CHSY3: variants seen among roughly 807,000 people sequenced by gnomAD.
The protein encoded by CHSY3 is chondroitin sulfate synthase 3.
CHSY3 carries 35 observed loss-of-function variants against 67.2 expected under a neutral mutation model. That is an observed-to-expected ratio of 0.52 (90% CI 0.40 to 0.69). CHSY3 has a LOEUF of 0.69. Ranked by LOEUF, CHSY3 falls within the 30% of genes least tolerant of loss-of-function variation. The pLI is 0.00. For synonymous variants in CHSY3, 474 were observed against 434.7 expected (o/e 1.09, Z -1.12); for missense variants, 1,069 against 1,138.5 (o/e 0.94, Z 0.88).
chr5:130,127,853 A>C (rs931897134), intron 2 of CHSY3, among the ~76,000 whole-genome samples: 9 of 152,172 alleles, frequency 5.9e-5, no homozygotes, highest in Non-Finnish European at 8.8e-5. Flanking sequence ...ATTATGCACT[A>C]TTAGAGTTCT....
intron 2 of CHSY3, among the ~76,000 whole-genome samples, chr5:130,132,450 A>G (rs1768512533): frequency 6.6e-6 from 1 of 152,232 alleles, no homozygotes; most frequent in Non-Finnish European, 1.5e-5. Context: ...AAGTATAACA[A>G]AAACCACAAT....
chr5:129,912,558 A>G (rs1241619629), intron 2 of CHSY3, among the ~76,000 whole-genome samples: 2 of 152,144 alleles, frequency 1.3e-5, no homozygotes, highest in Admixed American at 1.3e-4. Context: ...TTCTCTGCTC[A>G]CTTTTTCTAT....
intron 2 of CHSY3, among the ~76,000 whole-genome samples, chr5:130,167,043 C>G: frequency 6.6e-6 from 1 of 152,046 alleles, no homozygotes; most frequent in East Asian, 1.9e-4. Context: ...AGAGATTGAA[C>G]TCAATTCCCA....
chr5:130,131,758 C>A (rs991336423), intron 2 of CHSY3, among the ~76,000 whole-genome samples: 9 of 152,066 alleles, frequency 5.9e-5, no homozygotes, highest in African/African-American at 2.2e-4. Flanking sequence ...CTCATGATAT[C>A]CACTAGAATG....
chr5:129,989,958 G>C (rs1174307677), intron 2 of CHSY3, among the ~76,000 whole-genome samples: 1 of 152,096 alleles, frequency 6.6e-6, no homozygotes, highest in Non-Finnish European at 1.5e-5. Context: ...ATATGGCTCT[G>C]TTCCAGTAAA....
intron 2 of CHSY3, among the ~76,000 whole-genome samples, chr5:130,126,816 G>T (rs1190592023): frequency 6.6e-6 from 1 of 152,144 alleles, no homozygotes; most frequent in Non-Finnish European, 1.5e-5. Flanking sequence ...ATCCAAGAAT[G>T]AAAAGCATAA....
chr5:130,148,906 C>T (rs1293950849), intron 2 of CHSY3, among the ~76,000 whole-genome samples: 1 of 152,056 alleles, frequency 6.6e-6, no homozygotes. Context: ...TAATTGTATC[C>T]CATTTATCAG....
In CHSY3 at chr5:129,904,505, G is replaced by T; in HGVS notation, c.-325G>T. ...GCCTAGGAGCGGACGCGTTGCCGCC[G>T]CCGCTGCTCCTCCTCCTCCTCCTGC... is the stretch of plus-strand genomic sequence containing the variant. On this transcript the variant is annotated 5_prime_UTR_variant, in exon 1 of 3. Coordinates refer to ENST00000305031, the MANE Select transcript of CHSY3 (RefSeq NM_175856.5). 4.0e-6 allele frequency: 1 copy of T among 248,728 alleles called. No homozygotes were observed. Among genetic ancestry groups the T allele is most frequent in the Non-Finnish European group, 7.5e-6 (1 of 132,740 alleles). 15.4% of individuals were successfully genotyped at this position (248,728 alleles called of 1,614,324 possible). A position where few individuals can be genotyped will look rare whatever the true frequency, so the allele number is the denominator to read the frequency against.
intron 2 of CHSY3, among the ~76,000 whole-genome samples, chr5:129,959,822 T>C (rs1172394508): frequency 6.6e-6 from 1 of 152,148 alleles, no homozygotes; most frequent in Non-Finnish European, 1.5e-5. Context: ...CTGTTTTCTT[T>C]TTCCTTTTAT....
At chr5:130,128,274 G>A (rs936299360) in intron 2 of CHSY3, among the ~76,000 whole-genome samples, 1 of 148,172 alleles carries the variant, frequency 6.7e-6, no homozygotes, top group Admixed American at 6.8e-5. Flanking sequence ...GCTCAGGCAT[G>A]CACATCTACG....
intron 2 of CHSY3, among the ~76,000 whole-genome samples, chr5:129,986,220 G>A (rs1326162582): frequency 6.6e-6 from 1 of 152,038 alleles, no homozygotes; most frequent in Admixed American, 6.6e-5. Context: ...AGTTTATTGA[G>A]GGTTTTTTAA....
At chr5:130,017,627 T>C (rs1764252744) in intron 2 of CHSY3, among the ~76,000 whole-genome samples, 1 of 152,182 alleles carries the variant, frequency 6.6e-6, no homozygotes, top group East Asian at 1.9e-4. Flanking sequence ...GAAATCTCAC[T>C]CCATATTCCC....
intron 2 of CHSY3, among the ~76,000 whole-genome samples, chr5:129,927,730 AT>A (rs1056387441): frequency 1.3e-5 from 2 of 151,834 alleles, no homozygotes; most frequent in African/African-American, 2.4e-5. Flanking sequence ...TTACACTTGT[AT>A]TTTTTTTAAA....
At chr5:130,024,739 G>A (rs11960528) in intron 2 of CHSY3, among the ~76,000 whole-genome samples, 24,266 of 152,030 alleles carry the variant, frequency 0.16, 2,539 homozygotes, top group Non-Finnish European at 0.24. Flanking sequence ...TTGAAGCAGC[G>A]TTCATAAATG....
At chr5:130,077,799 G>GTGTA (rs552303360) in intron 2 of CHSY3, among the ~76,000 whole-genome samples, 1 of 150,332 alleles carries the variant, frequency 6.7e-6, no homozygotes, top group Non-Finnish European at 1.5e-5. Flanking sequence ...ATATATGTGT[G>GTGTA]TATATATATA....
chr5:129,939,290 G>A (rs1761621145), intron 2 of CHSY3, among the ~76,000 whole-genome samples: 1 of 152,084 alleles, frequency 6.6e-6, no homozygotes, highest in African/African-American at 2.4e-5. Flanking sequence ...CCAACACTGG[G>A]GATTGCAGTT....
rs146695402 is a variant in CHSY3, at chr5:129,958,366, G to A, written c.1086+50006G>A. Among the ~76,000 whole-genome samples, 580 of 152,182 alleles carry A rather than the reference G, an allele frequency of 3.8e-3. 8 individuals carry two copies. The highest frequency in any genetic ancestry group is 0.013 in the African/African-American group (545 of 41,526). The stretch of plus-strand genomic sequence containing the variant: ...CAGCTGGGCCTTTCTTGGGAGTAGG[G>A]CATCTGACAGGGAACTATGTGTAGG... On this transcript the variant is annotated intron_variant, in intron 2 of 2. Transcript: ENST00000305031.
At chr5:130,041,974 C>G (rs190181800) in intron 2 of CHSY3, among the ~76,000 whole-genome samples, 44 of 152,224 alleles carry the variant, frequency 2.9e-4, no homozygotes, top group Admixed American at 1.6e-3. Flanking sequence ...TACAGTGGCT[C>G]ACACCTGTAA....
chr5:130,047,454 A>C (rs956077977), intron 2 of CHSY3, among the ~76,000 whole-genome samples: 1 of 152,064 alleles, frequency 6.6e-6, no homozygotes, highest in Non-Finnish European at 1.5e-5. Context: ...TAAATACTAC[A>C]TTGTAGGAAA....
Sources: gnomAD v4.1 joint callset for allele counts (sites outside exome capture counted in the v4.1 genomes callset) on GRCh38, gnomAD v4.1.1 for gene constraint, MANE v1.5 for transcripts, NCBI Gene and HGNC (gene_info 2026-07-23, HGNC 2026-07-21) for gene names.